The following ASTN2 variants were observed in gnomAD, a reference collection of about 807,000 sequenced individuals.
ASTN2 encodes astrotactin 2.
ASTN2 carries 54 observed loss-of-function variants against 139.8 expected under a neutral mutation model. That is an observed-to-expected ratio of 0.39 (90% CI 0.31 to 0.48). ASTN2 has a LOEUF of 0.48. Among genes scored for constraint, ASTN2 ranks in the 20% least tolerant of loss-of-function variants. The probability of loss-of-function intolerance (pLI) is 0.95; values close to 1 mark genes in which losing one functional copy is unlikely to be tolerated. For synonymous variants in ASTN2, 756 were observed against 719.5 expected, an observed-to-expected ratio of 1.05 and a Z score of -0.81; for missense variants, 1,565 against 1,725.1, an observed-to-expected ratio of 0.91 and a Z score of 1.64.
chr9:117,190,942 C>T (rs1313957990), intron 3 of ASTN2, among the ~76,000 whole-genome samples: 1 of 151,998 alleles, frequency 6.6e-6, no homozygotes, highest in Non-Finnish European at 1.5e-5. Flanking sequence ...TTATTTATTG[C>T]TTTATCTTCA....
chr9:116,508,748 C>G (rs1850225535), intron 19 of ASTN2, among the ~76,000 whole-genome samples: 2 of 152,134 alleles, frequency 1.3e-5, no homozygotes, highest in South Asian at 4.1e-4. Flanking sequence ...AGATCTGGAA[C>G]CAGCTCCACT....
chr9:117,362,804 C>T (rs1829729825), intron 1 of ASTN2, among the ~76,000 whole-genome samples: 1 of 152,144 alleles, frequency 6.6e-6, no homozygotes, highest in Admixed American at 6.6e-5. Flanking sequence ...CCATGAAAGT[C>T]CTGCCTGAGT....
intron 10 of ASTN2, among the ~76,000 whole-genome samples, chr9:116,897,743 T>A (rs1459713273): frequency 1.3e-5 from 2 of 151,786 alleles, no homozygotes; most frequent in Non-Finnish European, 2.9e-5. Flanking sequence ...ATGCAGAATG[T>A]TATATATAGT....
intron 12 of ASTN2, among the ~76,000 whole-genome samples, chr9:116,814,039 A>G (rs1447543353): frequency 2.0e-5 from 2 of 99,816 alleles, no homozygotes; most frequent in African/African-American, 1.1e-4. Flanking sequence ...CTGTCTCAAG[A>G]AAAAAAAAAA....
At chr9:116,869,044 G>A (rs1833086957) in intron 10 of ASTN2, among the ~76,000 whole-genome samples, 2 of 152,104 alleles carry the variant, frequency 1.3e-5, no homozygotes, top group Admixed American at 1.3e-4. Context: ...AATTAGCAGG[G>A]TGTGGTGGTG....
At chr9:117,362,726 C>T (rs965401740) in intron 1 of ASTN2, among the ~76,000 whole-genome samples, 1 of 152,132 alleles carries the variant, frequency 6.6e-6, no homozygotes, top group African/African-American at 2.4e-5. Context: ...ACCACTGTGC[C>T]CCATATCTGG....
intron 3 of ASTN2, chr9:117,180,681 G>A: frequency 6.3e-7 from 1 of 1,585,100 alleles, no homozygotes; most frequent in Non-Finnish European, 8.5e-7. Flanking sequence ...GTATTAAGAG[G>A]GGGCAGCACA....
rs576571196 is a variant in ASTN2, at chr9:117,010,604, C to T, written c.1424-2345G>A. 3.3e-5 allele frequency among the ~76,000 whole-genome samples: 5 copies of T among 152,274 alleles called. No individual in the cohort carries two copies. In the South Asian group the frequency reaches 1.0e-3, roughly 32 times the overall value. On this transcript the variant is annotated intron_variant, in intron 6 of 22. Coordinates refer to ENST00000313400, the MANE Select transcript of ASTN2 (RefSeq NM_001365068.1). ...ATATATGAAAAGTGTGATACCAATT[C>T]CCTTTTCATAGCTTGATATAAAGAT...
At chr9:116,642,536 C>T (rs930936854) in intron 17 of ASTN2, among the ~76,000 whole-genome samples, 2 of 152,084 alleles carry the variant, frequency 1.3e-5, no homozygotes, top group Non-Finnish European at 2.9e-5. Context: ...CCATCTCATA[C>T]ATATACCCCC....
At chr9:116,716,936 GT>G (rs1828327511) in intron 16 of ASTN2, among the ~76,000 whole-genome samples, 1 of 152,156 alleles carries the variant, frequency 6.6e-6, no homozygotes, top group Non-Finnish European at 1.5e-5. Context: ...TTACCTTTGG[GT>G]TTGATACCAA....
At chr9:117,144,600 C>T (rs1830147844) in intron 3 of ASTN2, among the ~76,000 whole-genome samples, 1 of 145,902 alleles carries the variant, frequency 6.9e-6, no homozygotes. Flanking sequence ...ATACGGATGA[C>T]AGTTCCTCAG....
intron 5 of ASTN2, among the ~76,000 whole-genome samples, chr9:117,069,183 C>T (rs1360594942): frequency 5.8e-4 from 47 of 80,842 alleles, no homozygotes; most frequent in African/African-American, 2.3e-3. Flanking sequence ...GCTTTGAATG[C>T]GTCCCAGAGA....
intron 20 of ASTN2, among the ~76,000 whole-genome samples, chr9:116,481,458 A>G (rs1849165527): frequency 6.6e-6 from 1 of 152,074 alleles, no homozygotes; most frequent in African/African-American, 2.4e-5. Flanking sequence ...GTGGGTAAAA[A>G]CCCACCTCTG....
At chr9:117,334,791 C>G (rs994292648) in intron 1 of ASTN2, among the ~76,000 whole-genome samples, 1 of 152,172 alleles carries the variant, frequency 6.6e-6, no homozygotes, top group Non-Finnish European at 1.5e-5. Flanking sequence ...TGGAGGCTCA[C>G]GCCTGTAATC....
At chr9:116,487,861 T>C (rs1330096173) in intron 19 of ASTN2, among the ~76,000 whole-genome samples, 2 of 151,982 alleles carry the variant, frequency 1.3e-5, no homozygotes, top group Non-Finnish European at 2.9e-5. Context: ...TCACTCCCTG[T>C]TAACTCCTTG....
At chr9:116,532,759 C>T (rs2119299050) in intron 19 of ASTN2, among the ~76,000 whole-genome samples, 1 of 152,320 alleles carries the variant, frequency 6.6e-6, no homozygotes, top group East Asian at 1.9e-4. Context: ...GTTTTGGTTA[C>T]TATAGCCTTG....
At chr9:116,775,608 AGAAGGAAGGAAG>A (rs534452959) in intron 13 of ASTN2, among the ~76,000 whole-genome samples, 1 of 34,852 alleles carries the variant, frequency 2.9e-5, no homozygotes, top group Non-Finnish European at 5.0e-5. Context: ...AGGGAGGGAA[AGAAGGAAGGAAG>A]GAAGGAAGGA....
At chr9:116,676,231 C>T (rs1322479794) in intron 16 of ASTN2, among the ~76,000 whole-genome samples, 1 of 152,162 alleles carries the variant, frequency 6.6e-6, no homozygotes, top group African/African-American at 2.4e-5. Flanking sequence ...CCAAATTTCT[C>T]TCTCTCTCTT....
At chr9:116,975,450 C>T in intron 9 of ASTN2, 105 bp from the exon 10 acceptor site, 1 of 1,113,244 alleles carries the variant, frequency 9.0e-7, no homozygotes, top group South Asian at 2.2e-5. Context: ...CCTACTTCTC[C>T]ATCCATATCC....
Sources: allele counts gnomAD v4.1 joint callset (sites outside exome capture counted in the v4.1 genomes callset), GRCh38; gene constraint gnomAD v4.1.1; transcripts MANE v1.5; gene names NCBI Gene and HGNC (gene_info 2026-07-23, HGNC 2026-07-21).